Variants in ACCSL observed in about 807,000 individuals in gnomAD.
ACCSL encodes 1-aminocyclopropane-1-carboxylate synthase homolog (inactive) like.
A neutral mutation model predicts 61.7 loss-of-function variants in ACCSL; 55 were observed. That is an observed-to-expected ratio of 0.89 (90% CI 0.72 to 1.12). ACCSL has a LOEUF of 1.12. Ranked by LOEUF, ACCSL falls within the 50% of genes most tolerant of loss-of-function variation. The pLI is 0.00. For missense variants in ACCSL, 632 were observed against 698.0 expected, an observed-to-expected ratio of 0.91 and a Z score of 1.07; for synonymous variants, 258 against 264.3, an observed-to-expected ratio of 0.98 and a Z score of 0.23.
At chr11:44,029,101 A>G in the ACCSL span, among the ~76,000 whole-genome samples, 3 of 152,340 alleles carry the variant, frequency 2.0e-5, no homozygotes, top group African/African-American at 7.2e-5. Context: ...TGCCTCTGCA[A>G]CAGCATCTTT....
At chr11:43,925,942 C>G in the ACCSL span, among the ~76,000 whole-genome samples, 1 of 152,196 alleles carries the variant, frequency 6.6e-6, no homozygotes, top group African/African-American at 2.4e-5. Flanking sequence ...ACATGCCCTG[C>G]TAACCCCAAC....
chr11:43,967,173 T>TTA, the ACCSL span, among the ~76,000 whole-genome samples: 1 of 88,820 alleles, frequency 1.1e-5, no homozygotes, highest in Non-Finnish European at 2.4e-5. Flanking sequence ...TCTTCTTTTT[T>TTA]TTTTTTTTTT....
chr11:43,989,043 T>G, the ACCSL span, among the ~76,000 whole-genome samples: 1 of 152,080 alleles, frequency 6.6e-6, no homozygotes, highest in Admixed American at 6.6e-5. Flanking sequence ...CAAACTCGGT[T>G]TTCTTCACGG....
chr11:44,019,153 A>G, the ACCSL span, among the ~76,000 whole-genome samples: 1 of 152,322 alleles, frequency 6.6e-6, no homozygotes, highest in Non-Finnish European at 1.5e-5. Flanking sequence ...TTGTATGGAT[A>G]TATCACACTT....
chr11:44,053,395 G>A lies in ACCSL; in HGVS notation c.949-11G>A. ...CTTGTATTCACTCAGTTATATTTGG[G>A]TTTTTCTTAGGGGAAAAAGGTCCGA... On this transcript the variant is annotated splice_polypyrimidine_tract_variant and intron_variant, in intron 7 of 13. Transcript: ENST00000378832. The A allele has an allele frequency of 1.2e-6, 2 of 1,613,382 alleles. No individual in the cohort carries two copies. Among genetic ancestry groups the A allele is most frequent in the Non-Finnish European group, 1.7e-6 (2 of 1,179,406 alleles).
chr11:44,057,998 C>T (rs111273185), intron 11 of ACCSL, among the ~76,000 whole-genome samples: 27 of 152,134 alleles, frequency 1.8e-4, no homozygotes, highest in African/African-American at 6.3e-4. Flanking sequence ...CATGGTGAAA[C>T]CCCATCTCTA....
the ACCSL span, among the ~76,000 whole-genome samples, chr11:43,995,843 G>A: frequency 1.8e-3 from 274 of 152,348 alleles, 1 homozygote; most frequent in Non-Finnish European, 3.2e-3. Context: ...CATGTATTAT[G>A]AGTTGAACCA....
At chr11:44,054,294 C>A (rs1952657404) in intron 8 of ACCSL, among the ~76,000 whole-genome samples, 1 of 152,080 alleles carries the variant, frequency 6.6e-6, no homozygotes, top group East Asian at 1.9e-4. Context: ...CTAACACAGA[C>A]CAATGAATGG....
the ACCSL span, among the ~76,000 whole-genome samples, chr11:43,993,706 C>A: frequency 1.3e-5 from 2 of 152,162 alleles, no homozygotes; most frequent in African/African-American, 4.8e-5. Flanking sequence ...TGCCTGCCCC[C>A]TTCTGTGCAC....
chr11:44,056,050 A>G lies in ACCSL; in HGVS notation c.1150A>G (p.Ser384Gly). 1 of 1,614,246 alleles carries G rather than the reference A, an allele frequency of 6.2e-7. No individual in the cohort carries two copies. The highest frequency in any genetic ancestry group is 8.5e-7 in the Non-Finnish European group (1 of 1,180,048). ...SILSMKSLPD[S>G]NRTHVIWGTS... The stretch of plus-strand genomic sequence containing the variant: ...CCACTTCTTCTTCAGTTTGCCTGAT[A>G]GCAACAGGACCCATGTGATCTGGGG... Residue 384 changes from serine to glycine, a missense_variant, in exon 10 of 14, where the codon AGC becomes GGC. Physicochemically the swap from Ser to Gly is moderately conservative, Grantham distance 56 (BLOSUM62 0). Transcript: ENST00000378832.
chr11:43,942,768 G>T, the ACCSL span: 9 of 304,734 alleles, frequency 3.0e-5, no homozygotes, highest in South Asian at 1.2e-3. Context: ...CGCGAGGGCC[G>T]CCGCCACCCC....
chr11:43,959,626 T>C, the ACCSL span, among the ~76,000 whole-genome samples: 1 of 152,206 alleles, frequency 6.6e-6, no homozygotes, highest in African/African-American at 2.4e-5. Flanking sequence ...CTGGCTCTAC[T>C]CTGCCCTTGC....
At chr11:43,966,425 CA>C in the ACCSL span, among the ~76,000 whole-genome samples, 26,534 of 101,920 alleles carry the variant, frequency 0.26, 2,203 homozygotes, top group East Asian at 0.51. Flanking sequence ...GACTCTGTCT[CA>C]AAAAAAAAAA....
chr11:44,023,041 C>CTTTTT, the ACCSL span, among the ~76,000 whole-genome samples: 315 of 86,282 alleles, frequency 3.7e-3, 4 homozygotes, highest in Middle Eastern at 7.5e-3. Flanking sequence ...TCTTCTTCTT[C>CTTTTT]TTTTTTTTTT....
the ACCSL span, among the ~76,000 whole-genome samples, chr11:43,977,221 C>T: frequency 6.6e-6 from 1 of 152,186 alleles, no homozygotes; most frequent in African/African-American, 2.4e-5. Context: ...TCCACTATGT[C>T]CTAATCCCTG....
chr11:43,953,010 A>C, the ACCSL span, among the ~76,000 whole-genome samples: 1 of 151,428 alleles, frequency 6.6e-6, no homozygotes, highest in Non-Finnish European at 1.5e-5. Flanking sequence ...GAGTGTTTCC[A>C]TTGTTTACTT....
chr11:43,984,709 T>A, the ACCSL span, among the ~76,000 whole-genome samples: 1 of 152,230 alleles, frequency 6.6e-6, no homozygotes, highest in Non-Finnish European at 1.5e-5. Context: ...CCTTTCCCGT[T>A]GGCCACATGC....
At chr11:44,014,751 C>A in the ACCSL span, among the ~76,000 whole-genome samples, 2 of 152,102 alleles carry the variant, frequency 1.3e-5, no homozygotes, top group Non-Finnish European at 2.9e-5. Flanking sequence ...TTTGAGTGAC[C>A]CTAGGAGTAG....
the ACCSL span, among the ~76,000 whole-genome samples, chr11:43,928,565 C>T: frequency 2.0e-5 from 3 of 152,146 alleles, no homozygotes; most frequent in African/African-American, 4.8e-5. Context: ...CCAGGAGGAT[C>T]GCTGCCTCCC....
Sources: gnomAD v4.1 joint callset for allele counts (sites outside exome capture counted in the v4.1 genomes callset) on GRCh38, gnomAD v4.1.1 for gene constraint, MANE v1.5 for transcripts, NCBI Gene and HGNC (gene_info 2026-07-23, HGNC 2026-07-21) for gene names.